Variants in ZNF791 observed in about 807,000 individuals in gnomAD.
The protein encoded by ZNF791 is zinc finger protein 791.
A neutral mutation model predicts 11.5 loss-of-function variants in ZNF791; 4 were observed. That is an observed-to-expected ratio of 0.35 (90% confidence interval 0.17 to 0.80). ZNF791 has a LOEUF of 0.80. Among genes scored for constraint, ZNF791 ranks in the 30% least tolerant of loss-of-function variants. The pLI is 0.53. For missense variants in ZNF791, 559 were observed against 699.4 expected (o/e 0.80, Z 2.26); for synonymous variants, 212 against 228.1 (o/e 0.93, Z 0.64).
chr19:12,628,148 G>C lies in ZNF791; in HGVS notation c.619G>C (p.Glu207Gln). ...LSCSSSLRVH[E>Q]RIHTGEKPYE... ...TTGTTCCAGTTCGCTTCGAGTTCAT[G>C]AAAGGATTCACACTGGAGAAAAGCC... is the stretch of plus-strand genomic sequence containing the variant. The change falls in exon 4 of 4, where the codon GAA becomes CAA. Residue 207 changes from glutamate (E) to glutamine (Q), a missense_variant. Physicochemically the swap from Glu to Gln is conservative, Grantham distance 29. Coordinates refer to ENST00000343325, the MANE Select transcript of ZNF791 (RefSeq NM_153358.3). The C allele has an allele frequency of 6.2e-7, 1 of 1,614,182 alleles. No individual in the cohort carries two copies. Among genetic ancestry groups the C allele is most frequent in the Non-Finnish European group, 8.5e-7 (1 of 1,180,028 alleles).
chr19:12,611,989 T>G (rs917258526), intron 1 of ZNF791, among the ~76,000 whole-genome samples: 4 of 152,146 alleles, frequency 2.6e-5, no homozygotes, highest in Non-Finnish European at 4.4e-5. Flanking sequence ...GAAATGAATC[T>G]CAGAAAACAA....
At chr19:12,611,780 T>C (rs750781249) in intron 1 of ZNF791, among the ~76,000 whole-genome samples, 3 of 152,194 alleles carry the variant, frequency 2.0e-5, no homozygotes, top group Admixed American at 2.0e-4. Flanking sequence ...TGGGAACTCC[T>C]TTGCGTTGAG....
Position 12,627,725 on chromosome 19 carries a change from C to A in ZNF791, c.196C>A (p.His66Asn). The change falls in exon 4 of 4, where the codon CAT becomes AAT. Residue 66 changes from histidine to asparagine, a missense_variant. Coordinates refer to ENST00000343325, the MANE Select transcript of ZNF791 (RefSeq NM_153358.3). ...CGTGCTTCTAATTTTTTACAGAAGC[C>A]ATACGGGAGAGAGACTCTGTGAAGG... is the stretch of plus-strand genomic sequence containing the variant. ...HKNQGRNLRS[H>N]TGERLCEGKE... 1 of 1,604,416 alleles carries A rather than the reference C, an allele frequency of 6.2e-7. No homozygotes were observed. Among genetic ancestry groups the A allele is most frequent in the Non-Finnish European group, 8.5e-7 (1 of 1,173,690 alleles).
Position 12,625,746 on chromosome 19 carries a change from C to G in ZNF791, c.191+1036C>G, listed in dbSNP as rs185565082. Among the ~76,000 whole-genome samples the G allele has an allele frequency of 5.4e-3, 785 of 146,158 alleles. 7 individuals carry two copies. Among genetic ancestry groups the G allele is most frequent in the African/African-American group, 0.019 (736 of 39,644 alleles). On this transcript the variant is annotated intron_variant, in intron 3 of 3. Coordinates refer to ENST00000343325, the MANE Select transcript of ZNF791 (RefSeq NM_153358.3). Reference sequence around the variant, plus strand: ...GTTGCAGTGAGCCCAGATCGCACCACTACACTCCAGCCTGGGCGACAGAGT... The same window carrying G: ...GTTGCAGTGAGCCCAGATCGCACCAGTACACTCCAGCCTGGGCGACAGAGT...
At position 12,610,954 on chromosome 19, in the gene ZNF791, G is replaced by T. The variant is rs560496372; in HGVS notation, c.-126G>T. The T allele has an allele frequency of 2.3e-6, 3 of 1,324,608 alleles. No individual in the cohort carries two copies. The highest frequency in any genetic ancestry group is 4.6e-5 in the East Asian group (2 of 43,490). The allele number at this position is 1,324,608 out of a possible 1,614,324, so 82.1% of individuals were successfully genotyped here. The stretch of plus-strand genomic sequence containing the variant: ...CTACGTCACTGTGCGATCGGGTTGT[G>T]CTTAGCTTGGGGTCTCCTGGCCCCT... On this transcript the variant is annotated 5_prime_UTR_variant, in exon 1 of 4. Coordinates refer to ENST00000343325, the MANE Select transcript of ZNF791 (RefSeq NM_153358.3).
chr19:12,627,922 A>G lies in ZNF791; in HGVS notation c.393A>G (p.Pro131=). The G allele has an allele frequency of 6.2e-7, 1 of 1,614,228 alleles. No individual in the cohort carries two copies. The highest frequency in any genetic ancestry group is 8.5e-7 in the Non-Finnish European group (1 of 1,180,046). ...CTGGATACGAGCTATTTGAGAAGCC[A>G]TATAAATGTAAGGAGTGTGAGAAAG... ...SHTGYELFEK[P]YKCKECEKAF... The change falls in exon 4 of 4, where the codon CCA becomes CCG. Residue 131 remains proline (P), a synonymous_variant. Coordinates refer to ENST00000343325, the MANE Select transcript of ZNF791 (RefSeq NM_153358.3).
At chr19:12,612,806 ATT>A (rs140336473) in intron 1 of ZNF791, among the ~76,000 whole-genome samples, 2,219 of 104,182 alleles carry the variant, frequency 0.021, 52 homozygotes, top group African/African-American at 0.065. Context: ...ATTCTGCTGG[ATT>A]TTTTTTTTTT....
In ZNF791 at chr19:12,615,346, C is replaced by T. The variant is rs371511684; in HGVS notation, c.3+4264C>T. Among the ~76,000 whole-genome samples the T allele has an allele frequency of 6.6e-5, 10 of 152,136 alleles. No homozygotes were observed. The South Asian group carries it at 1.5e-3, about 22-fold the overall frequency. On this transcript the variant is annotated intron_variant, in intron 1 of 3. Transcript: ENST00000343325. ...TGCTGTCTTAAGGTTTTATATTTTC[C>T]AGAATGTAATACACGTGGAGTTATT...
intron 3 of ZNF791, 96 bp from the exon 4 acceptor site, chr19:12,627,625 T>A (rs1437243619): frequency 8.6e-7 from 1 of 1,167,190 alleles, no homozygotes; most frequent in African/African-American, 1.5e-5. Context: ...AGACTCCGTC[T>A]CAAAAAAGAA....
At chr19:12,613,208 C>T (rs2023189149) in intron 1 of ZNF791, among the ~76,000 whole-genome samples, 1 of 151,800 alleles carries the variant, frequency 6.6e-6, no homozygotes, top group Non-Finnish European at 1.5e-5. Flanking sequence ...GATCCACCCG[C>T]CTCAGCCTCC....
At position 12,631,750 on chromosome 19, in the gene ZNF791, A is replaced by T. The variant is rs1305718600; in HGVS notation, c.*2490A>T. ...CCATCCCACACACCAAAAAAAAGTT[A>T]AAAATTTTTTATCACTGGCTCATTC... On this transcript the variant is annotated 3_prime_UTR_variant, in exon 4 of 4. Coordinates refer to ENST00000343325, the MANE Select transcript of ZNF791 (RefSeq NM_153358.3). 1 of 152,118 alleles carries T rather than the reference A, an allele frequency of 6.6e-6. No homozygotes were observed. Among genetic ancestry groups the T allele is most frequent in the Non-Finnish European group, 1.5e-5 (1 of 68,018 alleles). The allele number at this position is 152,118 out of a possible 1,614,324, so 9.4% of individuals were successfully genotyped here.
intron 1 of ZNF791, among the ~76,000 whole-genome samples, chr19:12,617,927 T>C (rs1402911736): frequency 6.8e-6 from 1 of 146,942 alleles, no homozygotes; most frequent in Non-Finnish European, 1.5e-5. Context: ...TTTTTTTTTT[T>C]TTTTTTTGAG....
chr19:12,617,385 G>T (rs1171985644), intron 1 of ZNF791, among the ~76,000 whole-genome samples: 4 of 151,924 alleles, frequency 2.6e-5, no homozygotes, highest in East Asian at 3.9e-4. Context: ...TGGCCCCCCA[G>T]AGTGCTGGGA....
intron 1 of ZNF791, among the ~76,000 whole-genome samples, chr19:12,619,136 C>T (rs1484974784): frequency 6.6e-6 from 1 of 152,096 alleles, no homozygotes; most frequent in East Asian, 1.9e-4. Flanking sequence ...TGAGCCACCA[C>T]GCCTGGCCAC....
intron 1 of ZNF791, among the ~76,000 whole-genome samples, chr19:12,613,703 T>C (rs2023196762): frequency 6.6e-6 from 1 of 152,158 alleles, no homozygotes; most frequent in Admixed American, 6.6e-5. Context: ...CCTTTGAGCC[T>C]GCAAAGAAAG....
intron 1 of ZNF791, among the ~76,000 whole-genome samples, chr19:12,614,910 TTTTTTTTTTTTTTTTTTG>T (rs2023220824): frequency 7.4e-6 from 1 of 134,336 alleles, no homozygotes; most frequent in African/African-American, 3.1e-5. Flanking sequence ...TTTTTTTTTT[TTTTTTTTTTTTTTTTTTG>T]ATACAGCGTC....
chr19:12,616,645 A>G (rs1451278039), intron 1 of ZNF791, among the ~76,000 whole-genome samples: 1 of 152,148 alleles, frequency 6.6e-6, no homozygotes. Context: ...GTGAGCCGAG[A>G]TTGCACCACT....
At chr19:12,624,465 T>G (rs1446871936) in intron 2 of ZNF791, among the ~76,000 whole-genome samples, 185 bp from the exon 3 acceptor site, 3 of 152,156 alleles carry the variant, frequency 2.0e-5, no homozygotes, top group Non-Finnish European at 4.4e-5. Context: ...CATCATTTTT[T>G]CATATCGTCA....
At chr19:12,615,012 CTTTT>C (rs1180146927) in intron 1 of ZNF791, among the ~76,000 whole-genome samples, 1 of 49,854 alleles carries the variant, frequency 2.0e-5, no homozygotes, top group Non-Finnish European at 3.5e-5. Flanking sequence ...CTATGTTCAA[CTTTT>C]TTTTTTTTTT....
Sources: allele counts gnomAD v4.1 joint callset (sites outside exome capture counted in the v4.1 genomes callset), GRCh38; gene constraint gnomAD v4.1.1; transcripts MANE v1.5; gene names NCBI Gene and HGNC (gene_info 2026-07-23, HGNC 2026-07-21).